Variants in CFAP36 observed in about 807,000 individuals in gnomAD.
CFAP36 encodes cilia- and flagella-associated protein 36.
In CFAP36, 37 loss-of-function variants were observed where a neutral mutation model predicts 50.5. That is an observed-to-expected ratio of 0.73 (90% confidence interval 0.56 to 0.96). The LOEUF is 0.96. Ranked by LOEUF, CFAP36 falls within the 50% of genes least tolerant of loss-of-function variation. The pLI is 0.00. For missense variants in CFAP36, 407 were observed against 396.2 expected, an observed-to-expected ratio of 1.03 and a Z score of -0.23; for synonymous variants, 138 against 128.2, an observed-to-expected ratio of 1.08 and a Z score of -0.52.
At position 55,544,304 on chromosome 2, in the gene CFAP36, A is replaced by C. The variant is rs138513616; in HGVS notation, c.862A>C (p.Lys288Gln). ...QKRDKLMSMR[K>Q]DMRTKQIQNM... ...GAGAGATAAGTTGATGTCCATGAGA[A>C]AGGATATGAGGACTAAACAGATACA... Residue 288 changes from lysine (K) to glutamine (Q), a missense_variant, in exon 9 of 10, where the codon AAG (lysine) becomes CAG (glutamine). Transcript: ENST00000349456. 4.0e-5 allele frequency: 64 copies of C among 1,614,018 alleles called. 1 individual carries two copies. The African/African-American group carries it at 7.9e-4, about 20-fold the overall frequency.
intron 8 of CFAP36, 64 bp from the exon 9 acceptor site, chr2:55,544,156 G>T: frequency 1.9e-6 from 3 of 1,608,792 alleles, no homozygotes; most frequent in African/African-American, 1.3e-5. Context: ...ATCACTCAGT[G>T]GGCATCTGTG....
intron 3 of CFAP36, among the ~76,000 whole-genome samples, chr2:55,525,632 CT>C (rs35228412): frequency 6.7e-6 from 1 of 149,914 alleles, no homozygotes; most frequent in East Asian, 2.0e-4. Context: ...AACTTGCTCT[CT>C]TTTTTTTTTC....
rs777356694 is a variant in CFAP36 at position 55,519,805 on chromosome 2, G to A, written c.4G>A (p.Ala2Thr). 2 of 1,614,234 alleles carry A rather than the reference G, an allele frequency of 1.2e-6. No individual in the cohort carries two copies. The highest frequency in any genetic ancestry group is 1.7e-6 in the Non-Finnish European group (2 of 1,180,038). Residue 2 changes from alanine to threonine, a missense_variant, in exon 1 of 10, where the codon GCT (alanine) becomes ACT (threonine). Ala to Thr is a moderately conservative substitution (Grantham distance 58). Transcript: ENST00000349456. ...CCCGTTGCCCCTTTGGGGCGGGATGGCTGCGGAAGAAGAAGACGAGGTGGA... is the reference window on the plus strand; with the variant it reads ...CCCGTTGCCCCTTTGGGGCGGGATGACTGCGGAAGAAGAAGACGAGGTGGA... MAAEEEDEVEWV... is the reference protein window; with the variant it reads MTAEEEDEVEWV...
chr2:55,531,800 T>C (rs1387082881), intron 4 of CFAP36, among the ~76,000 whole-genome samples: 1 of 152,082 alleles, frequency 6.6e-6, no homozygotes, highest in Non-Finnish European at 1.5e-5. Flanking sequence ...ATGAGACCAT[T>C]ATGATTGGCT....
intron 2 of CFAP36, among the ~76,000 whole-genome samples, chr2:55,523,104 A>T (rs539539920): frequency 6.7e-6 from 1 of 149,878 alleles, no homozygotes; most frequent in East Asian, 2.0e-4. Flanking sequence ...TCTCAAAAAA[A>T]AAAAAAAGAA....
intron 7 of CFAP36, among the ~76,000 whole-genome samples, chr2:55,541,309 A>C (rs1469704562): frequency 1.3e-5 from 2 of 152,328 alleles, no homozygotes; most frequent in African/African-American, 4.8e-5. Context: ...GGGCAACAAG[A>C]GCGAAACTTC....
At chr2:55,529,154 G>A (rs1272595196) in intron 4 of CFAP36, among the ~76,000 whole-genome samples, 162 bp downstream of exon 4, 1 of 152,110 alleles carries the variant, frequency 6.6e-6, no homozygotes, top group Non-Finnish European at 1.5e-5. Flanking sequence ...GGGTGCAGTG[G>A]CTCACGCCTG....
Position 55,544,344 on chromosome 2 carries a change from A to G in CFAP36, c.902A>G (p.Lys301Arg). 1 of 1,613,400 alleles carries G rather than the reference A, an allele frequency of 6.2e-7. No homozygotes were observed. Among genetic ancestry groups the G allele is most frequent in the Non-Finnish European group, 8.5e-7 (1 of 1,179,800 alleles). ...AAACAGATACAAAATATGGAGCAGA[A>G]AGGAAAACCCACTGGGGAGGTAGAG... ...RTKQIQNMEQ[K>R]GKPTGEVEEM... is the part of the protein sequence containing the mutation. The change falls in exon 9 of 10, where the codon AAA becomes AGA. Residue 301 changes from lysine to arginine, a missense_variant. Lys to Arg is a conservative substitution (Grantham distance 26). Coordinates refer to ENST00000349456, the MANE Select transcript of CFAP36 (RefSeq NM_080667.7).
chr2:55,542,676 A>G (rs964612639), intron 7 of CFAP36, among the ~76,000 whole-genome samples: 3 of 152,238 alleles, frequency 2.0e-5, no homozygotes, highest in African/African-American at 7.2e-5. Context: ...GTCCAGAGAA[A>G]GAACATGAGT....
At chr2:55,540,626 A>G (rs1223832718) in intron 7 of CFAP36, among the ~76,000 whole-genome samples, 2 of 152,210 alleles carry the variant, frequency 1.3e-5, no homozygotes, top group African/African-American at 4.8e-5. Flanking sequence ...TATCCACAAA[A>G]TAACTTGCTG....
In CFAP36 at chr2:55,537,565, A is replaced by AT; in HGVS notation, c.624dup (p.Ala209CysfsTer8). The AT allele has an allele frequency of 6.2e-7, 1 of 1,612,954 alleles. No homozygotes were observed. The highest frequency in any genetic ancestry group is 8.5e-7 in the Non-Finnish European group (1 of 1,179,270). On this transcript the variant is annotated frameshift_variant, in exon 7 of 10. Coordinates refer to ENST00000349456, the MANE Select transcript of CFAP36 (RefSeq NM_080667.7). LOFTEE classifies it high-confidence loss of function. The stretch of plus-strand genomic sequence containing the variant: ...AATAATTCCCAAGGGGATGGTGAAC[A>AT]TTTTGCACACCCACCCTCAGGTAAG...
intron 3 of CFAP36, among the ~76,000 whole-genome samples, chr2:55,524,541 C>T (rs998502626): frequency 6.7e-6 from 1 of 148,176 alleles, no homozygotes; most frequent in Non-Finnish European, 1.5e-5. Context: ...GCTAGGATTA[C>T]AGGCATGAGC....
At chr2:55,533,805 A>G (rs1184237680) in intron 4 of CFAP36, 68 bp from the exon 5 acceptor site, 17 of 912,532 alleles carry the variant, frequency 1.9e-5, no homozygotes, top group Non-Finnish European at 2.7e-5. Flanking sequence ...TTAAGGAACG[A>G]GAACAGTGAG....
intron 7 of CFAP36, among the ~76,000 whole-genome samples, chr2:55,540,469 C>A (rs1484799097): frequency 6.6e-6 from 1 of 152,094 alleles, no homozygotes; most frequent in Non-Finnish European, 1.5e-5. Flanking sequence ...TTTCTCCATT[C>A]TTTTGCAAAT....
intron 6 of CFAP36, among the ~76,000 whole-genome samples, chr2:55,536,227 G>A (rs529067835): frequency 6.6e-6 from 1 of 151,526 alleles, no homozygotes; most frequent in African/African-American, 2.4e-5. Context: ...CTGCCTCCGG[G>A]GTTCAAGCGA....
intron 1 of CFAP36, 98 bp downstream of exon 1, chr2:55,520,014 C>G: frequency 9.5e-7 from 1 of 1,051,816 alleles, no homozygotes; most frequent in Non-Finnish European, 1.4e-6. Context: ...GTCTCCCCGA[C>G]CCCCTGTCTC....
intron 3 of CFAP36, among the ~76,000 whole-genome samples, chr2:55,525,500 A>G (rs1005727946): frequency 5.9e-5 from 9 of 152,166 alleles, no homozygotes; most frequent in Non-Finnish European, 1.0e-4. Context: ...TCTACTAAAT[A>G]AACTGTAATT....
At chr2:55,533,195 A>G (rs1357324598) in intron 4 of CFAP36, among the ~76,000 whole-genome samples, 3 of 152,338 alleles carry the variant, frequency 2.0e-5, no homozygotes, top group African/African-American at 7.2e-5. Context: ...CACCTTTGAG[A>G]GCAGTTTCAT....
intron 6 of CFAP36, 124 bp from the exon 7 acceptor site, chr2:55,537,359 A>T: frequency 1.6e-6 from 1 of 625,988 alleles, no homozygotes; most frequent in Admixed American, 3.3e-5. Context: ...TGACAGAGTG[A>T]GACTCTGTCT....
Sources: gnomAD v4.1 joint callset for allele counts (sites outside exome capture counted in the v4.1 genomes callset) on GRCh38, gnomAD v4.1.1 for gene constraint, MANE v1.5 for transcripts, NCBI Gene and HGNC (gene_info 2026-07-23, HGNC 2026-07-21) for gene names.